The following DCP2 variants were observed in gnomAD, a reference collection of about 807,000 sequenced individuals.
DCP2 encodes m7GpppN-mRNA hydrolase.
A neutral mutation model predicts 56.1 loss-of-function variants in DCP2; 30 were observed. The ratio of observed to expected loss-of-function variants is 0.53; its 90% CI spans 0.40 to 0.73. DCP2 has a LOEUF of 0.73. Ranked by LOEUF, DCP2 falls within the 30% of genes least tolerant of loss-of-function variation. DCP2 has a pLI of 0.00. For synonymous variants in DCP2, 197 were observed against 163.3 expected (o/e 1.21, Z -1.57); for missense variants, 533 against 502.7 (o/e 1.06, Z -0.58).
chr5:112,983,823 G>T (rs1225786071), intron 1 of DCP2, among the ~76,000 whole-genome samples: 1 of 152,210 alleles, frequency 6.6e-6, no homozygotes, highest in Non-Finnish European at 1.5e-5. Context: ...TTGCAAGTTG[G>T]AATTAAGAAC....
rs1748652037 is a variant in DCP2 at position 112,992,782 on chromosome 5, C to T, written c.432+12C>T. 3.2e-6 allele frequency: 5 copies of T among 1,550,388 alleles called. No homozygotes were observed. The highest frequency in any genetic ancestry group is 1.4e-5 in the African/African-American group (1 of 70,402). ...GTGCTGCTAGAGAGGTAAGTTATTC[C>T]ATTTTGATACACAGTAAATTTGGCT... On this transcript the variant is annotated intron_variant, in intron 4 of 10. Transcript: ENST00000389063.
In DCP2 at chr5:113,006,182, T is replaced by C. The variant is rs140669542; in HGVS notation, c.943-1756T>C. On this transcript the variant is annotated intron_variant, in intron 8 of 10. Transcript: ENST00000389063. ...ATATGGGTAAACCTCGAGGACATTA[T>C]GCTAAGTGCAATAAGCCAGACACAA... is the stretch of plus-strand genomic sequence containing the variant. 9.2e-3 allele frequency among the ~76,000 whole-genome samples: 1,388 copies of C among 151,498 alleles called. 14 individuals carry two copies. Among genetic ancestry groups the C allele is most frequent in the Non-Finnish European group, 0.013 (867 of 67,946 alleles).
chr5:113,010,891 T>G, intron 10 of DCP2, 84 bp downstream of exon 10: 1 of 1,371,598 alleles, frequency 7.3e-7, no homozygotes, highest in African/African-American at 1.5e-5. Context: ...TGGGAGTATG[T>G]GATCTGTGAT....
rs1749882783 is a variant in DCP2, at chr5:113,016,281, A to G, written c.*2797A>G. The G allele has an allele frequency of 6.6e-6, 1 of 152,624 alleles. No individual in the cohort carries two copies. The allele number at this position is 152,624 out of a possible 1,614,324, so 9.5% of individuals were successfully genotyped here. Reference sequence around the variant, plus strand: ...AGTGATACCCTCCTGAGACATGAGCATTTGGAGAGGCCTGAGAACCTAATA... The same window carrying G: ...AGTGATACCCTCCTGAGACATGAGCGTTTGGAGAGGCCTGAGAACCTAATA... On this transcript the variant is annotated 3_prime_UTR_variant, in exon 11 of 11. Transcript: ENST00000389063.
intron 1 of DCP2, among the ~76,000 whole-genome samples, chr5:112,983,088 C>G (rs1748085801): frequency 6.6e-6 from 1 of 152,176 alleles, no homozygotes; most frequent in Non-Finnish European, 1.5e-5. Flanking sequence ...TAAATGCCAT[C>G]ACACAGACTG....
At chr5:112,989,137 G>A (rs1372237053) in intron 2 of DCP2, among the ~76,000 whole-genome samples, 1 of 152,196 alleles carries the variant, frequency 6.6e-6, no homozygotes, top group East Asian at 1.9e-4. Context: ...AATGATTACA[G>A]TGCAGTGTGG....
chr5:113,003,804 C>G (rs1253310989), intron 7 of DCP2, 138 bp from the exon 8 acceptor site: 2 of 960,402 alleles, frequency 2.1e-6, no homozygotes, highest in African/African-American at 1.6e-5. Flanking sequence ...AATCTCTGCT[C>G]TCATAGAACT....
chr5:112,997,005 T>C (rs1055139019), intron 4 of DCP2, among the ~76,000 whole-genome samples: 1 of 152,180 alleles, frequency 6.6e-6, no homozygotes, highest in African/African-American at 2.4e-5. Flanking sequence ...CAAATGTACA[T>C]TGGCGTTTCA....
rs923599018 is a variant in DCP2, at chr5:113,013,593, C to T, written c.*109C>T. On this transcript the variant is annotated 3_prime_UTR_variant, in exon 11 of 11. Coordinates refer to ENST00000389063, the MANE Select transcript of DCP2 (RefSeq NM_152624.6). ...GGTGTTTTAAAGAAATGCAGGGAGGCAATGTTTCTGAAGACATTTTCTGTT... is the reference window on the plus strand; with the variant it reads ...GGTGTTTTAAAGAAATGCAGGGAGGTAATGTTTCTGAAGACATTTTCTGTT... 7 of 1,307,022 alleles carry T rather than the reference C, an allele frequency of 5.4e-6. No individual in the cohort carries two copies. In the East Asian group the frequency reaches 1.2e-4, roughly 22 times the overall value. 81.0% of individuals were successfully genotyped at this position (1,307,022 alleles called of 1,614,324 possible).
In DCP2 at chr5:113,021,725, GA is replaced by G. The variant is rs376438500; in HGVS notation, c.*8245del. On this transcript the variant is annotated 3_prime_UTR_variant, in exon 11 of 11. Transcript: ENST00000389063. Reference sequence around the variant, plus strand: ...GTCAAAGTTACTTTGCTTCCATAGTGAAAACTTGAGAACATTGTAATCTTTC... The same window carrying G: ...GTCAAAGTTACTTTGCTTCCATAGTGAAACTTGAGAACATTGTAATCTTTC... 4.9e-3 allele frequency among the ~76,000 whole-genome samples: 747 copies of G among 152,282 alleles called. 5 individuals carry two copies. The highest frequency in any genetic ancestry group is 0.017 in the African/African-American group (722 of 41,562).
At chr5:113,013,247 C>CA in intron 10 of DCP2, 74 bp from the exon 11 acceptor site, 1 of 1,469,252 alleles carries the variant, frequency 6.8e-7, no homozygotes, top group Non-Finnish European at 9.2e-7. Flanking sequence ...TGTTTTGTAA[C>CA]AAAAGGCAAA....
intron 10 of DCP2, among the ~76,000 whole-genome samples, chr5:113,011,575 C>T (rs1749682182): frequency 6.6e-6 from 1 of 152,278 alleles, no homozygotes; most frequent in East Asian, 1.9e-4. Flanking sequence ...AATGAAAAAG[C>T]ATTATCATAT....
At chr5:112,987,325 T>A (rs1264955710) in intron 2 of DCP2, among the ~76,000 whole-genome samples, 1 of 152,190 alleles carries the variant, frequency 6.6e-6, no homozygotes, top group African/African-American at 2.4e-5. Flanking sequence ...AATAAATAAA[T>A]TAGTTTGAAT....
chr5:112,978,295 A>G (rs1747821687), intron 1 of DCP2, among the ~76,000 whole-genome samples: 1 of 152,194 alleles, frequency 6.6e-6, no homozygotes, highest in African/African-American at 2.4e-5. Context: ...ACTGTGCACC[A>G]GGCACTACCT....
At chr5:112,979,118 C>T (rs879603086) in intron 1 of DCP2, among the ~76,000 whole-genome samples, 1 of 139,176 alleles carries the variant, frequency 7.2e-6, no homozygotes, top group Non-Finnish European at 1.5e-5. Flanking sequence ...GTTGGTTTTC[C>T]AGTGAGTGTA....
Position 113,019,128 on chromosome 5 carries a change from G to A in DCP2, c.*5644G>A, listed in dbSNP as rs1561713240. 1 of 152,190 alleles carries A rather than the reference G, an allele frequency of 6.6e-6. No individual in the cohort carries two copies. Among genetic ancestry groups the A allele is most frequent in the Non-Finnish European group, 1.5e-5 (1 of 68,032 alleles). The allele number at this position is 152,190 out of a possible 1,614,324, so 9.4% of individuals were successfully genotyped here. Reference sequence around the variant, plus strand: ...ATTCTCCTTTTAGTTCATTGAATCTGAGGTTCTAAATCTGTAGCTTCATTT... The same window carrying A: ...ATTCTCCTTTTAGTTCATTGAATCTAAGGTTCTAAATCTGTAGCTTCATTT... On this transcript the variant is annotated 3_prime_UTR_variant, in exon 11 of 11. Transcript: ENST00000389063.
chr5:113,006,211 G>A (rs1312644652), intron 8 of DCP2, among the ~76,000 whole-genome samples: 2 of 151,946 alleles, frequency 1.3e-5, no homozygotes, highest in African/African-American at 4.8e-5. Flanking sequence ...GACACAAGAG[G>A]ATAAATATCG....
At chr5:112,988,385 C>T (rs1015451557) in intron 2 of DCP2, among the ~76,000 whole-genome samples, 7 of 149,044 alleles carry the variant, frequency 4.7e-5, no homozygotes, top group Non-Finnish European at 7.4e-5. Flanking sequence ...CCAGCTACTC[C>T]GGAGGCTGAG....
intron 4 of DCP2, among the ~76,000 whole-genome samples, chr5:112,993,124 T>C (rs1268891578): frequency 6.6e-6 from 1 of 152,150 alleles, no homozygotes; most frequent in African/African-American, 2.4e-5. Flanking sequence ...TCCTGACAAG[T>C]GCACAATTTG....
Sources: gnomAD v4.1 joint callset for allele counts (sites outside exome capture counted in the v4.1 genomes callset) on GRCh38, gnomAD v4.1.1 for gene constraint, MANE v1.5 for transcripts, NCBI Gene and HGNC (gene_info 2026-07-23, HGNC 2026-07-21) for gene names.